KCNQ1: variants seen among roughly 807,000 people sequenced by gnomAD.
KCNQ1 encodes potassium voltage-gated channel subfamily Q member 1.
In KCNQ1, 49 loss-of-function variants were observed where a neutral mutation model predicts 72.4. The observed-to-expected ratio is 0.68, with a 90% confidence interval of 0.54 to 0.86. The LOEUF (loss-of-function observed/expected upper bound fraction) is 0.86. Among genes scored for constraint, KCNQ1 ranks in the 40% least tolerant of loss-of-function variants. The pLI is 0.00. For missense variants in KCNQ1, 790 were observed against 945.1 expected, an observed-to-expected ratio of 0.84 and a Z score of 2.15; for synonymous variants, 450 against 412.6, an observed-to-expected ratio of 1.09 and a Z score of -1.10.
intron 15 of KCNQ1, among the ~76,000 whole-genome samples, chr11:2,791,696 CGGGTGG>C (rs1250494666): frequency 7.3e-6 from 1 of 137,770 alleles, no homozygotes; most frequent in Non-Finnish European, 1.6e-5. Context: ...GCGGCAGCTG[CGGGTGG>C]GGGTGGGGGG....
rs1452298100 is a variant in KCNQ1 at position 2,550,055 on chromosome 11, T to C, written c.478-20573T>C. On this transcript the variant is annotated intron_variant, in intron 2 of 15. Coordinates refer to ENST00000155840, the MANE Select transcript of KCNQ1 (RefSeq NM_000218.3). The surrounding 1 kb of genome is among the most constrained non-coding windows in gnomAD (Gnocchi z 6.0). ...GACGGACCCCAGAACTGGACCCCAATGTGCAGGTCTGGGTGTGGATGTATC... is the reference window on the plus strand; with the variant it reads ...GACGGACCCCAGAACTGGACCCCAACGTGCAGGTCTGGGTGTGGATGTATC... Among the ~76,000 whole-genome samples the C allele has an allele frequency of 6.6e-6, 1 of 152,176 alleles. No homozygotes were observed. The highest frequency in any genetic ancestry group is 1.5e-5 in the Non-Finnish European group (1 of 68,012).
chr11:2,601,148 G>C lies in KCNQ1; in HGVS notation c.1393+12294G>C, dbSNP rs550959375. Among the ~76,000 whole-genome samples the C allele has an allele frequency of 4.0e-5, 6 of 150,984 alleles. No individual in the cohort carries two copies. In the South Asian group the frequency reaches 1.3e-3, roughly 32 times the overall value. ...TTGGAAACCAGGCTTTACTGTGGTAGTTGCAAAAATGATCATTTTCCAACT... is the reference window on the plus strand; with the variant it reads ...TTGGAAACCAGGCTTTACTGTGGTACTTGCAAAAATGATCATTTTCCAACT... On this transcript the variant is annotated intron_variant, in intron 10 of 15. Coordinates refer to ENST00000155840, the MANE Select transcript of KCNQ1 (RefSeq NM_000218.3). This position sits in a 1 kb window ranked among gnomAD's most constrained non-coding sequence, Gnocchi z 5.2.
At position 2,769,086 on chromosome 11, in the gene KCNQ1, C is replaced by T. The variant is rs1035346308; in HGVS notation, c.1590+167C>T. Among the ~76,000 whole-genome samples the T allele has an allele frequency of 1.3e-5, 2 of 152,110 alleles. No individual in the cohort carries two copies. The highest frequency in any genetic ancestry group is 2.4e-5 in the African/African-American group (1 of 41,402). On this transcript the variant is annotated intron_variant, in intron 12 of 15. Transcript: ENST00000155840. This position sits in a 1 kb window ranked among gnomAD's most constrained non-coding sequence, Gnocchi z 4.6. ...TGAGACCTGACAGTGCCTACCCCAC[C>T]GAACCCCAGACAGCAGGCCCCTCAG...
Position 2,848,646 on chromosome 11 carries a change from G to C in KCNQ1, c.*643G>C, listed in dbSNP as rs1028828683. On this transcript the variant is annotated 3_prime_UTR_variant, in exon 16 of 16. Coordinates refer to ENST00000155840, the MANE Select transcript of KCNQ1 (RefSeq NM_000218.3). ...ATTTCCCCAGGGCACGTGGTTGAGT[G>C]GGGGGAACGCCCACTTCCCTGGGTT... 2.2e-6 allele frequency: 1 copy of C among 451,688 alleles called. No individual in the cohort carries two copies. Among genetic ancestry groups the C allele is most frequent in the Non-Finnish European group, 4.4e-6 (1 of 224,926 alleles). The allele number at this position is 451,688 out of a possible 1,614,324, so 28.0% of individuals were successfully genotyped here. A position where few individuals can be genotyped will look rare whatever the true frequency, so the allele number is the denominator to read the frequency against.
In KCNQ1 at chr11:2,602,014, G is replaced by A. The variant is rs759261605; in HGVS notation, c.1393+13160G>A. On this transcript the variant is annotated intron_variant, in intron 10 of 15. Transcript: ENST00000155840. The surrounding 1 kb of genome is among the most constrained non-coding windows in gnomAD (Gnocchi z 4.8). ...CATCCTGGGTTATCTGAATGGGCCC[G>A]GTGTAATCACAAGGGTCCTTATAAC... Among the ~76,000 whole-genome samples, 15 of 152,122 alleles carry A rather than the reference G, an allele frequency of 9.9e-5. No individual in the cohort carries two copies. Among genetic ancestry groups the A allele is most frequent in the Admixed American group, 6.5e-4 (10 of 15,280 alleles).
chr11:2,690,291 C>G lies in KCNQ1; in HGVS notation c.1514+28210C>G. The G allele has an allele frequency of 2.5e-6, 1 of 398,714 alleles. No individual in the cohort carries two copies. Among genetic ancestry groups the G allele is most frequent in the South Asian group, 1.3e-4 (1 of 7,858 alleles). The allele number at this position is 398,714 out of a possible 1,614,324, so 24.7% of individuals were successfully genotyped here. ...CATCTGCACATATGTGTAGTGTCTT[C>G]CTCCCTGTAGGATTGTCACAAGGAT... On this transcript the variant is annotated intron_variant, in intron 11 of 15. Coordinates refer to ENST00000155840, the MANE Select transcript of KCNQ1 (RefSeq NM_000218.3). This position sits in a 1 kb window ranked among gnomAD's most constrained non-coding sequence, Gnocchi z 5.1.
In KCNQ1 at chr11:2,588,576, C is replaced by A; in HGVS notation, c.1252-137C>A. 2.9e-6 allele frequency: 3 copies of A among 1,052,570 alleles called. No homozygotes were observed. Among genetic ancestry groups the A allele is most frequent in the Non-Finnish European group, 2.8e-6 (2 of 703,402 alleles). 65.2% of individuals were successfully genotyped at this position (1,052,570 alleles called of 1,614,324 possible). On this transcript the variant is annotated intron_variant, in intron 9 of 15. Coordinates refer to ENST00000155840, the MANE Select transcript of KCNQ1 (RefSeq NM_000218.3). This position sits in a 1 kb window ranked among gnomAD's most constrained non-coding sequence, Gnocchi z 5.6. Reference sequence around the variant, plus strand: ...CTCTGTGTGAAGACACTGGAGCTGGCCCCAGGCCTCAGGTCCCTGTCCGGG... The same window carrying A: ...CTCTGTGTGAAGACACTGGAGCTGGACCCAGGCCTCAGGTCCCTGTCCGGG...
At position 2,723,618 on chromosome 11, in the gene KCNQ1, G is replaced by A. The variant is rs990478945; in HGVS notation, c.1515-45226G>A. Among the ~76,000 whole-genome samples the A allele has an allele frequency of 6.6e-5, 10 of 152,200 alleles. No individual in the cohort carries two copies. The highest frequency in any genetic ancestry group is 1.3e-4 in the Admixed American group (2 of 15,278). ...ATGCCAGCCTCAAACTCAGCAGCTC[G>A]AAGTAGCAACAGCCTCGAATCCCTC... On this transcript the variant is annotated intron_variant, in intron 11 of 15. Transcript: ENST00000155840. This position sits in a 1 kb window ranked among gnomAD's most constrained non-coding sequence, Gnocchi z 4.2.
At chr11:2,834,359 A>AAGGGGCCCAG (rs1848018888) in intron 15 of KCNQ1, among the ~76,000 whole-genome samples, 1 of 152,144 alleles carries the variant, frequency 6.6e-6, no homozygotes, top group Non-Finnish European at 1.5e-5. Flanking sequence ...GAGGGTGGGC[A>AAGGGGCCCAG]GAGCAGGAGG....
intron 10 of KCNQ1, chr11:2,609,023 A>G: frequency 2.5e-6 from 1 of 398,042 alleles, no homozygotes; most frequent in Non-Finnish European, 4.4e-6. Flanking sequence ...TATATTCTAT[A>G]TTTTATTTCT....
rs182777639 is a variant in KCNQ1 at position 2,655,787 on chromosome 11, G to A, written c.1394-6174G>A. ...GCTCTGGTCACTGCCTCCCTGTGGT[G>A]GAGAAAGCACGCCCCACAGTCTCCA... On this transcript the variant is annotated intron_variant, in intron 10 of 15. Transcript: ENST00000155840. 2.2e-3 allele frequency: 859 copies of A among 398,322 alleles called. 7 individuals carry two copies. The highest frequency in any genetic ancestry group is 0.015 in the African/African-American group (751 of 48,602). 24.7% of individuals were successfully genotyped at this position (398,322 alleles called of 1,614,324 possible).
At position 2,662,686 on chromosome 11, in the gene KCNQ1, C is replaced by T. The variant is rs537461659; in HGVS notation, c.1514+605C>T. On this transcript the variant is annotated intron_variant, in intron 11 of 15. Coordinates refer to ENST00000155840, the MANE Select transcript of KCNQ1 (RefSeq NM_000218.3). ...TGTGACTCCCCGCTGGGGTGCCCAGCGGTGACAGCCGTGCAGCGGGGTCAG... is the reference window on the plus strand; with the variant it reads ...TGTGACTCCCCGCTGGGGTGCCCAGTGGTGACAGCCGTGCAGCGGGGTCAG... 4.0e-5 allele frequency: 16 copies of T among 403,346 alleles called. No homozygotes were observed. In the South Asian group the frequency reaches 1.2e-3, roughly 31 times the overall value. The allele number at this position is 403,346 out of a possible 1,614,324, so 25.0% of individuals were successfully genotyped here.
At position 2,446,850 on chromosome 11, in the gene KCNQ1, G is replaced by C. The variant is rs547707711; in HGVS notation, c.386+1366G>C. On this transcript the variant is annotated intron_variant, in intron 1 of 15. Coordinates refer to ENST00000155840, the MANE Select transcript of KCNQ1 (RefSeq NM_000218.3). The surrounding 1 kb of genome is among the most constrained non-coding windows in gnomAD (Gnocchi z 8.8). ...TGGCTCTGCTCGTGGCTGCAACAGC[G>C]GGGGCTCGGCTTGGGGTTTGGGAGA... 6.6e-6 allele frequency among the ~76,000 whole-genome samples: 1 copy of C among 152,224 alleles called. No homozygotes were observed. Among genetic ancestry groups the C allele is most frequent in the Non-Finnish European group, 1.5e-5 (1 of 68,042 alleles).
At chr11:2,706,524 G>A (rs1327367835) in intron 11 of KCNQ1, among the ~76,000 whole-genome samples, 2 of 152,234 alleles carry the variant, frequency 1.3e-5, no homozygotes, top group Admixed American at 1.3e-4. Flanking sequence ...CAGAAACCAT[G>A]TGGGATGATA....
intron 15 of KCNQ1, among the ~76,000 whole-genome samples, chr11:2,814,656 A>G (rs200699288): frequency 8.0e-6 from 1 of 125,670 alleles, no homozygotes; most frequent in Non-Finnish European, 1.8e-5. Flanking sequence ...GGAAGGAAGG[A>G]AGGGTGGAGG....
In KCNQ1 at chr11:2,785,610, CATTTATATTTAAT is replaced by C. The variant is rs1358574860; in HGVS notation, c.1794+7575_1794+7587del. 9.3e-3 allele frequency among the ~76,000 whole-genome samples: 3 copies of C among 322 alleles called. No homozygotes were observed. Among genetic ancestry groups the C allele is most frequent in the Non-Finnish European group, 0.018 (3 of 170 alleles). The allele number at this position is 322 out of a possible 152,430, so 0.2% of individuals were successfully genotyped here. A position where few individuals can be genotyped will look rare whatever the true frequency, so the allele number is the denominator to read the frequency against. On this transcript the variant is annotated intron_variant, in intron 15 of 15. Transcript: ENST00000155840. The surrounding 1 kb of genome is among the most constrained non-coding windows in gnomAD (Gnocchi z 4.4). ...TGAGTTTTTAAAAAATCATTTAATACATTTATATTTAATACATTTATATTTAATATAATTTCTA... is the reference window on the plus strand; with the variant it reads ...TGAGTTTTTAAAAAATCATTTAATACACATTTATATTTAATATAATTTCTA...
At chr11:2,684,107 A>T (rs1211326790) in intron 11 of KCNQ1, 1 of 398,526 alleles carries the variant, frequency 2.5e-6, no homozygotes, top group Non-Finnish European at 4.4e-6. Context: ...GAACCCTTTC[A>T]CATAGATTCT....
Position 2,832,368 on chromosome 11 carries a change from G to A in KCNQ1, c.1795-15399G>A, listed in dbSNP as rs961304918. Among the ~76,000 whole-genome samples the A allele has an allele frequency of 2.6e-5, 4 of 152,308 alleles. No individual in the cohort carries two copies. In the South Asian group the frequency reaches 8.3e-4, roughly 32 times the overall value. On this transcript the variant is annotated intron_variant, in intron 15 of 15. Coordinates refer to ENST00000155840, the MANE Select transcript of KCNQ1 (RefSeq NM_000218.3). ...GGGGGCTTCCGGGCTGGGAGACTAG[G>A]ACAGGGTGCCTGTGTCCCCTCCTGG...
In KCNQ1 at chr11:2,735,123, T is replaced by C. The variant is rs1845934892; in HGVS notation, c.1515-33721T>C. Among the ~76,000 whole-genome samples the C allele has an allele frequency of 6.6e-6, 1 of 152,028 alleles. No individual in the cohort carries two copies. The highest frequency in any genetic ancestry group is 1.5e-5 in the Non-Finnish European group (1 of 67,966). The stretch of plus-strand genomic sequence containing the variant: ...ATCTGGCTTACATTGAACTCCCCCA[T>C]AAAACGTGTGAAACCTGACAGCAGC... On this transcript the variant is annotated intron_variant, in intron 11 of 15. Transcript: ENST00000155840. The surrounding 1 kb of genome is among the most constrained non-coding windows in gnomAD (Gnocchi z 7.7).
Sources: gnomAD v4.1 joint callset for allele counts (sites outside exome capture counted in the v4.1 genomes callset) on GRCh38, gnomAD v4.1.1 for gene constraint, Gnocchi (gnomAD v3.1) non-coding constraint, MANE v1.5 for transcripts, NCBI Gene and HGNC (gene_info 2026-07-23, HGNC 2026-07-21) for gene names.